KLHL2: variants seen among roughly 807,000 people sequenced by gnomAD.
KLHL2 encodes the protein kelch-like protein 2.
KLHL2 carries 15 observed loss-of-function variants against 75.8 expected under a neutral mutation model. The observed-to-expected ratio is 0.20, with a 90% CI of 0.13 to 0.30. The LOEUF (loss-of-function observed/expected upper bound fraction) is 0.30. Among genes scored for constraint, KLHL2 ranks in the 10% least tolerant of loss-of-function variants. The pLI is 1.00. For missense variants in KLHL2, 381 were observed against 741.0 expected (o/e 0.51, Z 5.64); for synonymous variants, 214 against 251.9 (o/e 0.85, Z 1.42).
intron 9 of KLHL2, among the ~76,000 whole-genome samples, chr4:165,308,071 A>G (rs958088166): frequency 3.3e-5 from 5 of 152,260 alleles, no homozygotes; most frequent in East Asian, 1.9e-4. Context: ...GACAAAGCCA[A>G]TTTTAGTTAC....
At chr4:165,307,336 A>G (rs1210507069) in intron 9 of KLHL2, among the ~76,000 whole-genome samples, 2 of 152,196 alleles carry the variant, frequency 1.3e-5, no homozygotes, top group African/African-American at 4.8e-5. Flanking sequence ...CAAAAAAACA[A>G]AAAAACTTTA....
At chr4:165,243,139 A>T (rs1481177114) in intron 4 of KLHL2, among the ~76,000 whole-genome samples, 1 of 152,070 alleles carries the variant, frequency 6.6e-6, no homozygotes, top group Non-Finnish European at 1.5e-5. Context: ...ATTATTCAAG[A>T]TACATGCTAT....
intron 3 of KLHL2, among the ~76,000 whole-genome samples, chr4:165,229,286 G>A (rs1320322812): frequency 1.3e-5 from 2 of 152,140 alleles, no homozygotes; most frequent in Admixed American, 6.5e-5. Context: ...ACAAAAAGAT[G>A]TTTATTTAAT....
At chr4:165,218,095 C>T (rs1215585260) in intron 1 of KLHL2, among the ~76,000 whole-genome samples, 2 of 152,186 alleles carry the variant, frequency 1.3e-5, no homozygotes, top group Non-Finnish European at 2.9e-5. Flanking sequence ...CGACTGTCCT[C>T]CCTAAGCCAC....
Position 165,303,494 on chromosome 4 carries a change from G to GCCCCCCCC in KLHL2, c.922-2113_922-2106dup, listed in dbSNP as rs35038980. Among the ~76,000 whole-genome samples, 1,115 of 111,912 alleles carry GCCCCCCCC rather than the reference G, an allele frequency of 1.0e-2. 90 individuals are homozygous for GCCCCCCCC. The highest frequency in any genetic ancestry group is 0.017 in the Non-Finnish European group (765 of 44,636). 73.4% of individuals were successfully genotyped at this position (111,912 alleles called of 152,430 possible). ...CCAATTCTGTAATTTTTACAACCTT[G>GCCCCCCCC]CCCCCCCCGCCGTTTTTGGGTGGTC... is the stretch of plus-strand genomic sequence containing the variant. On this transcript the variant is annotated intron_variant, in intron 8 of 14. Coordinates refer to ENST00000226725, the MANE Select transcript of KLHL2 (RefSeq NM_007246.4).
At chr4:165,282,907 C>T (rs1471490687) in intron 5 of KLHL2, among the ~76,000 whole-genome samples, 1 of 151,888 alleles carries the variant, frequency 6.6e-6, no homozygotes, top group Non-Finnish European at 1.5e-5. Context: ...TTGGACTTAA[C>T]AGTTCCACAT....
At chr4:165,219,591 A>C in intron 1 of KLHL2, 5 of 683,420 alleles carry the variant, frequency 7.3e-6, no homozygotes, top group Non-Finnish European at 9.4e-6. Context: ...GTATGACTAT[A>C]GAAGTTTGTA....
At position 165,265,515 on chromosome 4, in the gene KLHL2, GATTT is replaced by G. The variant is rs568293897; in HGVS notation, c.544+2158_544+2161del. On this transcript the variant is annotated intron_variant, in intron 5 of 14. Transcript: ENST00000226725. Reference sequence around the variant, plus strand: ...AGAATTTTGATGGTTTCAGGTCTTAGATTTAAGTCTTTAATCCATCTTGGGTTAA... The same window carrying G: ...AGAATTTTGATGGTTTCAGGTCTTAGAAGTCTTTAATCCATCTTGGGTTAA... Among the ~76,000 whole-genome samples, 13 of 152,124 alleles carry G rather than the reference GATTT, an allele frequency of 8.5e-5. No homozygotes were observed. The East Asian group carries it at 2.5e-3, about 29-fold the overall frequency.
chr4:165,287,127 ACT>A (rs1744154825), intron 5 of KLHL2, among the ~76,000 whole-genome samples: 1 of 151,696 alleles, frequency 6.6e-6, no homozygotes, highest in Non-Finnish European at 1.5e-5. Flanking sequence ...CAAAACTGAA[ACT>A]CTGTACCTTT....
intron 2 of KLHL2, among the ~76,000 whole-genome samples, chr4:165,224,512 G>A (rs1738272260): frequency 6.6e-6 from 1 of 152,194 alleles, no homozygotes; most frequent in African/African-American, 2.4e-5. Flanking sequence ...AAAATAGCCT[G>A]ACCTGCCCTC....
intron 13 of KLHL2, among the ~76,000 whole-genome samples, chr4:165,315,577 A>G (rs140671345): frequency 5.3e-5 from 8 of 152,354 alleles, no homozygotes; most frequent in African/African-American, 1.4e-4. Context: ...ATTTACTTCT[A>G]TAATTTACAA....
intron 4 of KLHL2, among the ~76,000 whole-genome samples, chr4:165,261,040 A>G (rs1741623469): frequency 6.6e-6 from 1 of 152,224 alleles, no homozygotes; most frequent in Non-Finnish European, 1.5e-5. Context: ...AATGCTAATT[A>G]GAGGAGTGAT....
intron 3 of KLHL2, among the ~76,000 whole-genome samples, chr4:165,237,038 C>T (rs1208188879): frequency 6.8e-6 from 1 of 148,044 alleles, no homozygotes; most frequent in Non-Finnish European, 1.5e-5. Context: ...CATGTGGCCC[C>T]AGGCCCTGAA....
chr4:165,238,259 C>A (rs988422020), intron 3 of KLHL2, among the ~76,000 whole-genome samples: 9 of 152,190 alleles, frequency 5.9e-5, no homozygotes, highest in Non-Finnish European at 8.8e-5. Flanking sequence ...CTCGTTGTCT[C>A]TGGCATGAGG....
chr4:165,278,715 C>T, intron 5 of KLHL2: 1 of 1,602,240 alleles, frequency 6.2e-7, no homozygotes, highest in East Asian at 2.2e-5. Flanking sequence ...ACCGGTTTGT[C>T]TCTGCCAAGT....
intron 4 of KLHL2, among the ~76,000 whole-genome samples, chr4:165,245,962 A>T (rs1055769416): frequency 3.9e-5 from 6 of 152,092 alleles, no homozygotes; most frequent in Non-Finnish European, 8.8e-5. Context: ...CACTGTTCCA[A>T]CCATTGGTGT....
intron 4 of KLHL2, among the ~76,000 whole-genome samples, chr4:165,258,803 A>G (rs1381490537): frequency 1.3e-5 from 2 of 152,238 alleles, no homozygotes; most frequent in African/African-American, 4.8e-5. Context: ...CTTCATTTTC[A>G]GTGATATGTA....
At chr4:165,267,932 A>G (rs1184775990) in intron 5 of KLHL2, among the ~76,000 whole-genome samples, 1 of 152,172 alleles carries the variant, frequency 6.6e-6, no homozygotes, top group Non-Finnish European at 1.5e-5. Flanking sequence ...CTGTGAATCC[A>G]TCTGGTCCTG....
chr4:165,297,893 G>T (rs1042427102), intron 7 of KLHL2, among the ~76,000 whole-genome samples, 168 bp downstream of exon 7: 13 of 152,140 alleles, frequency 8.5e-5, no homozygotes, highest in Admixed American at 3.3e-4. Context: ...GCGTCATCTC[G>T]GCTCTCCGCA....
Sources: gnomAD v4.1 joint callset for allele counts (sites outside exome capture counted in the v4.1 genomes callset) on GRCh38, gnomAD v4.1.1 for gene constraint, MANE v1.5 for transcripts, NCBI Gene and HGNC (gene_info 2026-07-23, HGNC 2026-07-21) for gene names.